The following MALRD1 variants were observed in gnomAD, a reference collection of about 807,000 sequenced individuals.
MALRD1 encodes MAM and LDL receptor class A domain containing 1, also known as MAM and LDL-receptor class A domain-containing protein 1.
A neutral mutation model predicts 242.1 loss-of-function variants in MALRD1; 247 were observed. The observed-to-expected ratio is 1.02, with a 90% CI of 0.92 to 1.13. The LOEUF is 1.13. Ranked by LOEUF, MALRD1 falls within the 50% of genes most tolerant of loss-of-function variation. MALRD1 has a pLI of 0.00. For synonymous variants in MALRD1, 995 were observed against 866.6 expected (o/e 1.15, Z -2.60); for missense variants, 2,989 against 2,533.1 (o/e 1.18, Z -3.86).
At chr10:19,686,504 G>T (rs1842588374) in intron 36 of MALRD1, among the ~76,000 whole-genome samples, 1 of 152,300 alleles carries the variant, frequency 6.6e-6, no homozygotes, top group East Asian at 1.9e-4. Flanking sequence ...GAGCCCATTT[G>T]CTCAACTCCT....
intron 35 of MALRD1, among the ~76,000 whole-genome samples, chr10:19,608,105 G>C (rs1838724964): frequency 6.6e-6 from 1 of 152,074 alleles, no homozygotes; most frequent in African/African-American, 2.4e-5. Flanking sequence ...GCTCATGCTA[G>C]TTCTACACAA....
At position 19,088,150 on chromosome 10, in the gene MALRD1, A is replaced by C; in HGVS notation, c.562A>C (p.Asn188His). The part of the protein sequence containing the change: ...TAALPNQWER[N>H]VIKIQSSQRF... ...TGCACTCCCAAATCAGTGGGAGAGA[A>C]ATGTCATCAAAATCCAGAGTTCACA... Residue 188 changes from asparagine (N) to histidine (H), a missense_variant, in exon 4 of 40, where the codon AAT becomes CAT. Physicochemically the swap from Asn to His is moderately conservative, Grantham distance 68 (BLOSUM62 1). Coordinates refer to ENST00000454679, the MANE Select transcript of MALRD1 (RefSeq NM_001142308.3). 1.6e-6 allele frequency: 2 copies of C among 1,233,482 alleles called. No individual in the cohort carries two copies. The highest frequency in any genetic ancestry group is 3.2e-5 in the East Asian group (1 of 31,690). 76.4% of individuals were successfully genotyped at this position (1,233,482 alleles called of 1,614,324 possible).
intron 28 of MALRD1, among the ~76,000 whole-genome samples, chr10:19,409,064 A>G (rs138473084): frequency 1.1e-3 from 170 of 152,338 alleles, no homozygotes; most frequent in African/African-American, 3.9e-3. Context: ...GTAACAGCCA[A>G]TATCTAGAAA....
Position 19,283,126 on chromosome 10 carries a change from G to C in MALRD1, c.3364G>C (p.Gly1122Arg), listed in dbSNP as rs772287588. The change falls in exon 21 of 40, where the codon GGG (glycine) becomes CGG (arginine). Residue 1122 changes from glycine to arginine, a missense_variant. By Grantham distance (125) the Gly-to-Arg change is moderately radical (BLOSUM62 -2). Transcript: ENST00000454679. ...SNTFRWGLGN[G>R]ISIHHGEENH... ...CACATTCAGGTGGGGGCTTGGGAAC[G>C]GGATCAGCATTCATCATGGGGAAGA... The C allele has an allele frequency of 1.9e-5, 30 of 1,549,536 alleles. No homozygotes were observed. The highest frequency in any genetic ancestry group is 2.4e-5 in the Non-Finnish European group (27 of 1,146,440).
intron 18 of MALRD1, among the ~76,000 whole-genome samples, chr10:19,244,730 A>T (rs1441677933): frequency 1.3e-5 from 2 of 152,200 alleles, no homozygotes; most frequent in African/African-American, 4.8e-5. Flanking sequence ...AAACCAAGCT[A>T]TTTAATACGT....
chr10:19,457,837 A>C (rs569004477), intron 29 of MALRD1, among the ~76,000 whole-genome samples: 1 of 151,894 alleles, frequency 6.6e-6, no homozygotes, highest in East Asian at 1.9e-4. Context: ...GTACTAGTTT[A>C]AGTATTTTAA....
intron 14 of MALRD1, among the ~76,000 whole-genome samples, chr10:19,183,322 G>C (rs1167415546): frequency 6.6e-6 from 1 of 151,296 alleles, no homozygotes; most frequent in Non-Finnish European, 1.5e-5. Context: ...GCAGCAAAAA[G>C]GTTTGAAGGA....
intron 21 of MALRD1, among the ~76,000 whole-genome samples, chr10:19,302,069 C>T (rs1227328089): frequency 6.6e-6 from 1 of 151,808 alleles, no homozygotes; most frequent in African/African-American, 2.4e-5. Context: ...GATACCACTT[C>T]ACATCCACTA....
rs148663648 is a variant in MALRD1, at chr10:19,358,526, C to T, written c.4441+6229C>T. 2.4e-3 allele frequency among the ~76,000 whole-genome samples: 364 copies of T among 152,208 alleles called. 2 individuals are homozygous for T. The highest frequency in any genetic ancestry group is 6.9e-3 in the African/African-American group (285 of 41,542). ...TACATATGCTGTTTAGTGCAAAGTA[C>T]GTGTTACATGCTGAGATTTAAAGAC... On this transcript the variant is annotated intron_variant, in intron 26 of 39. Transcript: ENST00000454679.
intron 14 of MALRD1, among the ~76,000 whole-genome samples, chr10:19,178,648 AGCT>A (rs2131551415): frequency 6.6e-6 from 1 of 152,328 alleles, no homozygotes; most frequent in Admixed American, 6.5e-5. Flanking sequence ...AATATTTAAA[AGCT>A]AGTGTTGATG....
intron 29 of MALRD1, among the ~76,000 whole-genome samples, chr10:19,472,519 A>G (rs938376551): frequency 2.0e-5 from 3 of 151,976 alleles, no homozygotes; most frequent in African/African-American, 7.2e-5. Context: ...TCACCAGTCA[A>G]GCAATCCAGT....
chr10:19,102,693 G>A (rs1836310673), intron 4 of MALRD1, among the ~76,000 whole-genome samples: 1 of 152,116 alleles, frequency 6.6e-6, no homozygotes, highest in African/African-American at 2.4e-5. Flanking sequence ...ATAAGGGTGG[G>A]ATAATGTCTG....
At chr10:19,634,986 C>T (rs1840066227) in intron 36 of MALRD1, among the ~76,000 whole-genome samples, 1 of 152,116 alleles carries the variant, frequency 6.6e-6, no homozygotes, top group East Asian at 1.9e-4. Context: ...TAAAATTTTG[C>T]CTTGATCTGT....
rs556275463 is a variant in MALRD1 at position 19,387,674 on chromosome 10, T to C, written c.4588T>C (p.Trp1530Arg). ...SCTFEKGWCG[W>R]QNSQADNFDW... ...TACTTTTGAAAAAGGCTGGTGTGGC[T>C]GGCAAAACTCCCAGGCTGACAACTT... Residue 1530 changes from tryptophan (W) to arginine (R), a missense_variant, in exon 27 of 40, where the codon TGG becomes CGG. Transcript: ENST00000454679. The C allele has an allele frequency of 2.1e-5, 32 of 1,550,434 alleles. No individual in the cohort carries two copies. The South Asian group carries it at 3.8e-4, about 18-fold the overall frequency.
intron 24 of MALRD1, among the ~76,000 whole-genome samples, chr10:19,332,277 A>G (rs1843411599): frequency 5.3e-5 from 8 of 151,228 alleles, no homozygotes. Flanking sequence ...GAGGATTGTC[A>G]TTTCTCTGTG....
chr10:19,393,750 C>T (rs1263427988), intron 28 of MALRD1, among the ~76,000 whole-genome samples: 3 of 151,956 alleles, frequency 2.0e-5, no homozygotes, highest in East Asian at 1.9e-4. Context: ...CCACCGCGCC[C>T]GGCCCTGATG....
At chr10:19,313,603 C>G (rs1025496199) in intron 21 of MALRD1, among the ~76,000 whole-genome samples, 7 of 151,454 alleles carry the variant, frequency 4.6e-5, no homozygotes, top group African/African-American at 1.7e-4. Flanking sequence ...ATTAAATGAT[C>G]ACACATACCT....
rs1836281400 is a variant in MALRD1 at position 19,102,028 on chromosome 10, TAA to T, written c.598-1949_598-1948del. Reference sequence around the variant, plus strand: ...TATCTATATTATAATGTTTTAATTATAAACTATATTTAATTATAATCTATATT... The same window carrying T: ...TATCTATATTATAATGTTTTAATTATACTATATTTAATTATAATCTATATT... On this transcript the variant is annotated intron_variant, in intron 4 of 39. Coordinates refer to ENST00000454679, the MANE Select transcript of MALRD1 (RefSeq NM_001142308.3). 2.9e-5 allele frequency among the ~76,000 whole-genome samples: 4 copies of T among 138,806 alleles called. No individual in the cohort carries two copies. In the South Asian group the frequency reaches 8.7e-4, roughly 30 times the overall value. The allele number at this position is 138,806 out of a possible 152,430, so 91.1% of individuals were successfully genotyped here. A position where few individuals can be genotyped will look rare whatever the true frequency, so the allele number is the denominator to read the frequency against.
At chr10:19,542,927 G>A (rs1057119706) in intron 32 of MALRD1, among the ~76,000 whole-genome samples, 7 of 152,074 alleles carry the variant, frequency 4.6e-5, no homozygotes, top group African/African-American at 1.7e-4. Context: ...TCTGTTTGGG[G>A]AATTACAACT....
Sources: allele counts gnomAD v4.1 joint callset (sites outside exome capture counted in the v4.1 genomes callset), GRCh38; gene constraint gnomAD v4.1.1; transcripts MANE v1.5; gene names NCBI Gene and HGNC (gene_info 2026-07-23, HGNC 2026-07-21).